Variants in TLR6 observed in about 807,000 individuals in gnomAD.
The protein encoded by TLR6 is toll-like receptor 6.
In TLR6, 9 loss-of-function variants were observed where a neutral mutation model predicts 16.1. That is an observed-to-expected ratio of 0.56 (90% confidence interval 0.34 to 0.98). The LOEUF (loss-of-function observed/expected upper bound fraction) is 0.98. Ranked by LOEUF, TLR6 falls within the 50% of genes least tolerant of loss-of-function variation. TLR6 has a pLI of 0.02. For synonymous variants in TLR6, 340 were observed against 338.6 expected, an observed-to-expected ratio of 1.00 and a Z score of -0.04; for missense variants, 786 against 921.0, an observed-to-expected ratio of 0.85 and a Z score of 1.90.
At chr4:38,835,447 C>T (rs1342709485) in intron 1 of TLR6, among the ~76,000 whole-genome samples, 2 of 152,276 alleles carry the variant, frequency 1.3e-5, no homozygotes, top group Middle Eastern at 3.4e-3. Context: ...ATGTGCCCCA[C>T]ACAGGAACAT....
intron 1 of TLR6, among the ~76,000 whole-genome samples, chr4:38,842,406 AAAATGC>A (rs1272524754): frequency 2.6e-5 from 4 of 152,222 alleles, no homozygotes; most frequent in African/African-American, 7.2e-5. Context: ...AGCCAGTGAG[AAAATGC>A]AATTAACCCA....
chr4:38,844,518 CA>C (rs34567246), intron 1 of TLR6, among the ~76,000 whole-genome samples: 1 of 150,886 alleles, frequency 6.6e-6, no homozygotes. Context: ...GATCAAGTAG[CA>C]AAAAATAAAA....
chr4:38,826,932 G>T, exon 2 of TLR6: 1 of 665,532 alleles, frequency 1.5e-6, no homozygotes, highest in Non-Finnish European at 2.5e-6. Context: ...TCACCGCCTA[G>T]CTCAGTTCCC....
chr4:38,842,886 T>C (rs1053270611), intron 1 of TLR6, among the ~76,000 whole-genome samples: 4 of 152,074 alleles, frequency 2.6e-5, no homozygotes, highest in South Asian at 4.1e-4. Context: ...GTTTTAGTTA[T>C]AGAATCTCAT....
intron 1 of TLR6, among the ~76,000 whole-genome samples, chr4:38,830,931 CT>C (rs1560264244): frequency 6.6e-6 from 1 of 151,234 alleles, no homozygotes. Context: ...AGATTGTTAT[CT>C]TTTTGATTGT....
the TLR6 span, among the ~76,000 whole-genome samples, chr4:38,864,342 G>T: frequency 6.6e-6 from 1 of 152,170 alleles, no homozygotes; most frequent in South Asian, 2.1e-4. Context: ...CTTTCAGAAA[G>T]GTTATGTTGA....
upstream of TLR6, among the ~76,000 whole-genome samples, chr4:38,859,565 C>CTTTTTT (rs372944785): frequency 7.9e-3 from 966 of 122,040 alleles, 40 homozygotes; most frequent in African/African-American, 0.017. Context: ...GATTATTGGC[C>CTTTTTT]TTTTTTTTTT....
upstream of TLR6, among the ~76,000 whole-genome samples, chr4:38,858,288 A>G (rs1260838282): frequency 6.6e-6 from 1 of 152,246 alleles, no homozygotes; most frequent in Non-Finnish European, 1.5e-5. Context: ...ACTTTTAGGA[A>G]AGATAATGAA....
chr4:38,834,784 C>T (rs919707287), intron 1 of TLR6, among the ~76,000 whole-genome samples: 11 of 152,166 alleles, frequency 7.2e-5, no homozygotes, highest in Non-Finnish European at 1.0e-4. Flanking sequence ...AAGACTATAC[C>T]CATCAAAGCT....
chr4:38,828,602 C>T lies in TLR6; in HGVS notation c.872G>A (p.Ser291Asn), dbSNP rs954369230. 10 of 1,613,794 alleles carry T rather than the reference C, an allele frequency of 6.2e-6. No individual in the cohort carries two copies. The African/African-American group carries it at 1.2e-4, about 19-fold the overall frequency. The stretch of plus-strand genomic sequence containing the variant: ...ATAAGTAAAATCTTCTTCACGAATG[C>T]TTTCAATTATTGTTAAATTGTAAAT... Residue 291 changes from serine to asparagine, a missense_variant, in exon 2 of 2, where the codon AGC (serine) becomes AAC (asparagine). By Grantham distance (46) the Ser-to-Asn change is conservative. Coordinates refer to ENST00000436693, the Ensembl canonical transcript of TLR6.
chr4:38,863,984 C>G, the TLR6 span, among the ~76,000 whole-genome samples: 27 of 152,356 alleles, frequency 1.8e-4, no homozygotes, highest in Non-Finnish European at 2.8e-4. Context: ...CATCCTCCCT[C>G]TGCTCCAGCC....
At chr4:38,829,007 A>G (rs767165842) in exon 2 of TLR6, 2 of 1,614,000 alleles carry the variant, frequency 1.2e-6, no homozygotes, top group East Asian at 2.2e-5. Context: ...TTGCAGCTTC[A>G]TAGCACTCAA....
intron 1 of TLR6, among the ~76,000 whole-genome samples, chr4:38,849,495 G>A (rs1456289504): frequency 6.6e-6 from 1 of 152,162 alleles, no homozygotes; most frequent in Non-Finnish European, 1.5e-5. Flanking sequence ...ATTGGATAAA[G>A]AGTCAAGACC....
chr4:38,847,821 G>A (rs1011389147), intron 1 of TLR6, among the ~76,000 whole-genome samples: 3 of 152,220 alleles, frequency 2.0e-5, no homozygotes, highest in Non-Finnish European at 4.4e-5. Context: ...ACAGCTCAAG[G>A]AGGCCTGCCT....
exon 2 of TLR6, chr4:38,825,793 T>C (rs5743831): frequency 0.094 from 14,294 of 152,248 alleles, 1,421 homozygotes; most frequent in East Asian, 0.28. Flanking sequence ...GTCAAAGCCA[T>C]GTGAAGAAAT....
At chr4:38,836,180 A>G (rs1205671515) in intron 1 of TLR6, among the ~76,000 whole-genome samples, 5 of 152,106 alleles carry the variant, frequency 3.3e-5, no homozygotes, top group African/African-American at 1.2e-4. Context: ...AGATCAATAA[A>G]ACAAAAAAAT....
intron 1 of TLR6, 133 bp downstream of exon 1, chr4:38,856,628 A>G (rs1713002425): frequency 6.6e-6 from 1 of 152,224 alleles, no homozygotes; most frequent in African/African-American, 2.4e-5. Context: ...TACAAAAAAA[A>G]CCACTTCAAA....
At chr4:38,854,407 T>C (rs534877595) in intron 1 of TLR6, among the ~76,000 whole-genome samples, 113 of 152,350 alleles carry the variant, frequency 7.4e-4, no homozygotes, top group African/African-American at 2.5e-3. Flanking sequence ...AGATAGAGAA[T>C]AAAGCTTTTA....
chr4:38,838,122 G>A (rs555057020), intron 1 of TLR6, among the ~76,000 whole-genome samples: 20 of 152,288 alleles, frequency 1.3e-4, no homozygotes, highest in Admixed American at 1.2e-3. Context: ...GCAGAGAAAA[G>A]GGAACTCTTA....
Sources: gnomAD v4.1 joint callset for allele counts (sites outside exome capture counted in the v4.1 genomes callset) on GRCh38, gnomAD v4.1.1 for gene constraint, MANE v1.5 for transcripts, NCBI Gene and HGNC (gene_info 2026-07-23, HGNC 2026-07-21) for gene names.